The following SMC5 variants were observed in gnomAD, a reference collection of about 807,000 sequenced individuals.
The protein encoded by SMC5 is structural maintenance of chromosomes protein 5.
Under a neutral mutation model 148.3 loss-of-function variants are expected in SMC5, and 88 were observed. That is an observed-to-expected ratio of 0.59 (90% CI 0.50 to 0.71). The LOEUF is 0.71. SMC5 is among the 30% of genes least tolerant of loss of function. The probability of loss-of-function intolerance (pLI) is 0.00; values close to 1 mark genes in which losing one functional copy is unlikely to be tolerated. For missense variants in SMC5, 1,142 were observed against 1,298.9 expected (o/e 0.88, Z 1.86); for synonymous variants, 421 against 432.8 (o/e 0.97, Z 0.34).
intron 8 of SMC5, among the ~76,000 whole-genome samples, chr9:70,286,941 G>A (rs994778188): frequency 1.3e-5 from 2 of 151,996 alleles, no homozygotes; most frequent in African/African-American, 2.4e-5. Context: ...GGCCTCGAAC[G>A]CCTGAGCTCA....
chr9:70,282,334 C>G (rs2034771947), intron 6 of SMC5, 88 bp from the exon 7 acceptor site: 5 of 1,327,282 alleles, frequency 3.8e-6, no homozygotes, highest in Non-Finnish European at 5.0e-6. Flanking sequence ...TCTTTTCTTA[C>G]ATTTGGTTTC....
At chr9:70,316,561 T>A (rs1278786340) in intron 13 of SMC5, among the ~76,000 whole-genome samples, 2 of 152,008 alleles carry the variant, frequency 1.3e-5, no homozygotes, top group Non-Finnish European at 2.9e-5. Flanking sequence ...TTCACTGAGG[T>A]TTAGAAAAGA....
At chr9:70,304,593 G>A (rs1030723944) in intron 10 of SMC5, among the ~76,000 whole-genome samples, 2 of 152,064 alleles carry the variant, frequency 1.3e-5, no homozygotes, top group South Asian at 4.1e-4. Flanking sequence ...AGGCTGAGGC[G>A]CAGGAATTGC....
chr9:70,271,841 C>T (rs2034458830), intron 3 of SMC5, among the ~76,000 whole-genome samples: 1 of 152,114 alleles, frequency 6.6e-6, no homozygotes, highest in Non-Finnish European at 1.5e-5. Flanking sequence ...AAAGTGGTAC[C>T]CACAGTGACT....
Position 70,277,428 on chromosome 9 carries a change from G to A in SMC5, c.499G>A (p.Ala167Thr). Residue 167 changes from alanine to threonine, a missense_variant, in exon 4 of 25, where the codon GCC becomes ACC. Coordinates refer to ENST00000361138, the MANE Select transcript of SMC5 (RefSeq NM_015110.4). Reference protein sequence around the residue: ...TQKIVEEKVAALNIQVGNLCQ... With the variant: ...TQKIVEEKVATLNIQVGNLCQ... Reference sequence around the variant, plus strand: ...GAAAATAGTGGAAGAGAAAGTTGCAGCCTTAAATATTCAAGTGGGGAATCT... The same window carrying A: ...GAAAATAGTGGAAGAGAAAGTTGCAACCTTAAATATTCAAGTGGGGAATCT... 1 of 1,600,126 alleles carries A rather than the reference G, an allele frequency of 6.2e-7. No homozygotes were observed. The highest frequency in any genetic ancestry group is 8.5e-7 in the Non-Finnish European group (1 of 1,174,038).
intron 4 of SMC5, 94 bp downstream of exon 4, chr9:70,277,566 A>G: frequency 1.0e-6 from 1 of 966,244 alleles, no homozygotes; most frequent in Non-Finnish European, 1.4e-6. Flanking sequence ...TGCTATTTAA[A>G]TTGAACATAG....
rs2035781306 is a variant in SMC5, at chr9:70,315,644, G to A, written c.1806+66G>A. 7 of 1,340,382 alleles carry A rather than the reference G, an allele frequency of 5.2e-6. No homozygotes were observed. The East Asian group carries it at 1.9e-4, about 36-fold the overall frequency. 83.0% of individuals were successfully genotyped at this position (1,340,382 alleles called of 1,614,324 possible). On this transcript the variant is annotated intron_variant, in intron 13 of 24. Transcript: ENST00000361138. ...AATGTAGTTTTGTTAAAACTTCTTAGCTAAAGGCAAGCAAAACGTGTCAGA... is the reference window on the plus strand; with the variant it reads ...AATGTAGTTTTGTTAAAACTTCTTAACTAAAGGCAAGCAAAACGTGTCAGA...
At chr9:70,330,688 C>T (rs933578062) in intron 17 of SMC5, among the ~76,000 whole-genome samples, 2 of 151,686 alleles carry the variant, frequency 1.3e-5, no homozygotes, top group Admixed American at 6.6e-5. Flanking sequence ...GACTAGCAGG[C>T]ATACCACCAT....
chr9:70,273,831 G>A (rs532986321), intron 3 of SMC5, among the ~76,000 whole-genome samples: 11 of 152,228 alleles, frequency 7.2e-5, no homozygotes, highest in African/African-American at 2.6e-4. Flanking sequence ...TTTTTGTAGT[G>A]AACTTTAGTA....
chr9:70,328,936 G>A (rs1009211221), intron 17 of SMC5, among the ~76,000 whole-genome samples: 1 of 152,206 alleles, frequency 6.6e-6, no homozygotes, highest in Non-Finnish European at 1.5e-5. Flanking sequence ...GCACCTTGTG[G>A]AAACTGCCAA....
intron 3 of SMC5, among the ~76,000 whole-genome samples, chr9:70,270,095 A>T (rs547623130): frequency 3.1e-4 from 47 of 152,252 alleles, no homozygotes; most frequent in South Asian, 8.3e-4. Flanking sequence ...GTCACACAGG[A>T]CTGCCCTCCA....
intron 17 of SMC5, among the ~76,000 whole-genome samples, chr9:70,324,752 A>AC (rs972359690): frequency 2.6e-5 from 4 of 152,080 alleles, no homozygotes; most frequent in African/African-American, 7.2e-5. Context: ...AGTTCCTATG[A>AC]CCCCCACTCA....
chr9:70,329,679 A>T (rs546601507), intron 17 of SMC5, among the ~76,000 whole-genome samples: 3 of 151,734 alleles, frequency 2.0e-5, no homozygotes, highest in African/African-American at 7.3e-5. Context: ...AACTGTTCCA[A>T]CCTCTGCTTA....
intron 17 of SMC5, 61 bp from the exon 18 acceptor site, chr9:70,344,083 A>G (rs912965534): frequency 9.2e-5 from 99 of 1,077,168 alleles, no homozygotes; most frequent in Non-Finnish European, 1.2e-4. Context: ...TGGTAGTTTA[A>G]TAAAACATCC....
intron 15 of SMC5, among the ~76,000 whole-genome samples, chr9:70,320,711 A>G (rs1284618457): frequency 6.6e-6 from 1 of 152,126 alleles, no homozygotes; most frequent in Non-Finnish European, 1.5e-5. Context: ...GGGGACAACT[A>G]TATTATGTAC....
chr9:70,295,763 A>G (rs1204742594), intron 8 of SMC5, among the ~76,000 whole-genome samples: 1 of 152,144 alleles, frequency 6.6e-6, no homozygotes, highest in Non-Finnish European at 1.5e-5. Flanking sequence ...TCTTGGTACA[A>G]CTTTATATGG....
In SMC5 at chr9:70,353,761, GA is replaced by G. The variant is rs763306591; in HGVS notation, c.*1434del. On this transcript the variant is annotated 3_prime_UTR_variant, in exon 25 of 25. Transcript: ENST00000361138. ...AAACTAACTCCAGTGCATGAAGTGT[GA>G]AAATATTTTAAAATGACATTTTTAC... The G allele has an allele frequency of 6.6e-6, 1 of 152,138 alleles. No homozygotes were observed. The highest frequency in any genetic ancestry group is 2.4e-5 in the African/African-American group (1 of 41,420). The allele number at this position is 152,138 out of a possible 1,614,324, so 9.4% of individuals were successfully genotyped here. A position where few individuals can be genotyped will look rare whatever the true frequency, so the allele number is the denominator to read the frequency against.
At chr9:70,337,217 C>T (rs1407791183) in intron 17 of SMC5, among the ~76,000 whole-genome samples, 1 of 152,156 alleles carries the variant, frequency 6.6e-6, no homozygotes, top group Non-Finnish European at 1.5e-5. Context: ...TTTACTTTTA[C>T]ATCAGTATTA....
At chr9:70,329,904 A>T (rs1178757772) in intron 17 of SMC5, among the ~76,000 whole-genome samples, 2 of 152,186 alleles carry the variant, frequency 1.3e-5, no homozygotes, top group Non-Finnish European at 2.9e-5. Flanking sequence ...TTAAAATCAT[A>T]GGGAAGGTGA....
Sources: gnomAD v4.1 joint callset for allele counts (sites outside exome capture counted in the v4.1 genomes callset) on GRCh38, gnomAD v4.1.1 for gene constraint, MANE v1.5 for transcripts, NCBI Gene and HGNC (gene_info 2026-07-23, HGNC 2026-07-21) for gene names.